The following TTLL6 variants were observed in gnomAD, a reference collection of about 807,000 sequenced individuals.
The protein encoded by TTLL6 is tubulin polyglutamylase TTLL6.
In TTLL6, 75 loss-of-function variants were observed where a neutral mutation model predicts 96.4. The observed-to-expected ratio is 0.78, with a 90% CI of 0.65 to 0.94. The LOEUF (loss-of-function observed/expected upper bound fraction) is 0.94, where lower values mean the gene tolerates loss of function less well. Ranked by LOEUF, TTLL6 falls within the 40% of genes least tolerant of loss-of-function variation. The pLI is 0.00. For synonymous variants in TTLL6, 411 were observed against 419.4 expected (o/e 0.98, Z 0.24); for missense variants, 1,030 against 1,093.0 (o/e 0.94, Z 0.81).
At position 48,817,212 on chromosome 17, in the gene TTLL6, A is replaced by G; in HGVS notation, c.-140T>C. On this transcript the variant is annotated 5_prime_UTR_variant, in exon 1 of 16. Transcript: ENST00000393382. ...CCATGCCCCCTCCCTCCCGAATCCAATTAACCGCCCAGGCGCTAGGGGAGG... is the reference window on the plus strand; with the variant it reads ...CCATGCCCCCTCCCTCCCGAATCCAGTTAACCGCCCAGGCGCTAGGGGAGG... The G allele has an allele frequency of 7.2e-6, 4 of 553,006 alleles. No homozygotes were observed. The highest frequency in any genetic ancestry group is 4.1e-5 in the Admixed American group (1 of 24,104). The allele number at this position is 553,006 out of a possible 1,614,324, so 34.3% of individuals were successfully genotyped here.
At chr17:48,771,990 A>C (rs4262989) in intron 13 of TTLL6, among the ~76,000 whole-genome samples, 16,804 of 152,118 alleles carry the variant, frequency 0.11, 2,033 homozygotes, top group East Asian at 0.68. Context: ...CAGAGGAATC[A>C]CTTGAACTCG....
rs2039090219 is a variant in TTLL6 at position 48,786,228 on chromosome 17, C to G, written c.1697G>C (p.Gly566Ala). The G allele has an allele frequency of 2.5e-6, 4 of 1,614,208 alleles. No individual in the cohort carries two copies. Among genetic ancestry groups the G allele is most frequent in the Non-Finnish European group, 3.4e-6 (4 of 1,180,042 alleles). ...ESAGEQVRKK[G>A]MRGWQQKQQQ... ...TTGTTTCTGTTGCCAGCCCCTCATGCCCTTCTTTCTCACTTGCTCGCCTGC... is the reference window on the plus strand; with the variant it reads ...TTGTTTCTGTTGCCAGCCCCTCATGGCCTTCTTTCTCACTTGCTCGCCTGC... Residue 566 changes from glycine (G) to alanine (A), a missense_variant, in exon 12 of 16, where the codon GGC becomes GCC. Transcript: ENST00000393382.
chr17:48,787,845 T>G lies in TTLL6; in HGVS notation c.1555A>C (p.Thr519Pro). 1 of 1,614,218 alleles carries G rather than the reference T, an allele frequency of 6.2e-7. No individual in the cohort carries two copies. Among genetic ancestry groups the G allele is most frequent in the Admixed American group, 1.7e-5 (1 of 60,026 alleles). The change falls in exon 11 of 16, where the codon ACT becomes CCT. Residue 519 changes from threonine (T) to proline (P), a missense_variant. Physicochemically the swap from Thr to Pro is conservative, Grantham distance 38. Coordinates refer to ENST00000393382, the MANE Select transcript of TTLL6 (RefSeq NM_001130918.3). ...TCCTCCCGAGCCCTGGAAGCAACAG[T>G]ATTCTGGAAGAGGGAGTTGTTGTCC... The part of the protein sequence containing the change: ...FQDNNSLFQN[T>P]VASRAREEYA...
chr17:48,771,413 TAGGCCAGGAGTTTG>T (rs1322555205), intron 13 of TTLL6, among the ~76,000 whole-genome samples: 1 of 152,104 alleles, frequency 6.6e-6, no homozygotes, highest in Non-Finnish European at 1.5e-5. Context: ...AGGATCACTT[TAGGCCAGGAGTTTG>T]AGACCAGCCT....
chr17:48,808,816 C>T (rs1398183965), intron 1 of TTLL6, among the ~76,000 whole-genome samples: 2 of 152,182 alleles, frequency 1.3e-5, no homozygotes, highest in African/African-American at 4.8e-5. Context: ...AACGATCTGC[C>T]CGCCTCGGCC....
At chr17:48,782,580 T>C (rs1268841546) in intron 13 of TTLL6, among the ~76,000 whole-genome samples, 1 of 152,270 alleles carries the variant, frequency 6.6e-6, no homozygotes, top group East Asian at 1.9e-4. Context: ...CTGTTCACTG[T>C]GCTTTTAGTG....
At chr17:48,791,219 A>C (rs1432461814) in intron 9 of TTLL6, among the ~76,000 whole-genome samples, 159 bp downstream of exon 9, 1 of 152,176 alleles carries the variant, frequency 6.6e-6, no homozygotes, top group Non-Finnish European at 1.5e-5. Flanking sequence ...TCTGGTGGCC[A>C]CTTCTCAGCT....
intron 14 of TTLL6, among the ~76,000 whole-genome samples, 153 bp downstream of exon 14, chr17:48,769,575 T>C (rs1400512466): frequency 6.6e-6 from 1 of 152,250 alleles, no homozygotes; most frequent in Non-Finnish European, 1.5e-5. Flanking sequence ...CCTAATGGTA[T>C]GGACTGTGTC....
At position 48,790,123 on chromosome 17, in the gene TTLL6, G is replaced by T; in HGVS notation, c.1225-17C>A. The T allele has an allele frequency of 6.2e-7, 1 of 1,611,506 alleles. No homozygotes were observed. Among genetic ancestry groups the T allele is most frequent in the South Asian group, 1.1e-5 (1 of 90,684 alleles). On this transcript the variant is annotated splice_polypyrimidine_tract_variant and intron_variant, in intron 9 of 15. Transcript: ENST00000393382. The stretch of plus-strand genomic sequence containing the variant: ...GTGGTTGACCTGTGAGGGCAAGATT[G>T]GCAGCTGGTGACAAAGCCGTCCAGA...
chr17:48,810,974 G>A (rs2039582730), intron 1 of TTLL6, among the ~76,000 whole-genome samples: 1 of 149,066 alleles, frequency 6.7e-6, no homozygotes, highest in African/African-American at 2.4e-5. Flanking sequence ...AATGCCTCCT[G>A]TAGACATTTC....
Position 48,769,769 on chromosome 17 carries a change from G to A in TTLL6, c.2369C>T (p.Pro790Leu). The stretch of plus-strand genomic sequence containing the variant: ...CCCCAGCTTGGGGTTGTAGTGAGCT[G>A]GGAAGAAGGAGAGCTTCCCACTCAG... ...LQLSGKLSFFPAHYNPKLGMN... is the reference protein window; with the variant it reads ...LQLSGKLSFFLAHYNPKLGMN... The change falls in exon 14 of 16, where the codon CCA becomes CTA. Residue 790 changes from proline (P) to leucine (L), a missense_variant. By Grantham distance (98) the Pro-to-Leu change is moderately conservative. Coordinates refer to ENST00000393382, the MANE Select transcript of TTLL6 (RefSeq NM_001130918.3). The A allele has an allele frequency of 1.2e-6, 2 of 1,614,212 alleles. No homozygotes were observed. The highest frequency in any genetic ancestry group is 1.7e-6 in the Non-Finnish European group (2 of 1,180,050).
chr17:48,764,771 T>C (rs1290968778), intron 15 of TTLL6, among the ~76,000 whole-genome samples: 1 of 152,104 alleles, frequency 6.6e-6, no homozygotes, highest in Non-Finnish European at 1.5e-5. Context: ...TCCTTTATGG[T>C]CCGATTAGTT....
Position 48,817,104 on chromosome 17 carries a change from G to T in TTLL6, c.-32C>A. 1 of 1,508,398 alleles carries T rather than the reference G, an allele frequency of 6.6e-7. No homozygotes were observed. The highest frequency in any genetic ancestry group is 8.9e-7 in the Non-Finnish European group (1 of 1,124,440). 93.4% of individuals were successfully genotyped at this position (1,508,398 alleles called of 1,614,324 possible). On this transcript the variant is annotated 5_prime_UTR_variant, in exon 1 of 16. Coordinates refer to ENST00000393382, the MANE Select transcript of TTLL6 (RefSeq NM_001130918.3). ...CCAGACAGCCCCAACCCCAACCCGCGCTCGCCCTAACTTTGGGTCCGCCCG... is the reference window on the plus strand; with the variant it reads ...CCAGACAGCCCCAACCCCAACCCGCTCTCGCCCTAACTTTGGGTCCGCCCG...
rs760567729 is a variant in TTLL6, at chr17:48,762,977, GA to G, written c.*1-5del. 3.9e-4 allele frequency: 162 copies of G among 419,694 alleles called. 2 individuals carry two copies. Among genetic ancestry groups the G allele is most frequent in the Middle Eastern group, 1.7e-3 (5 of 2,872 alleles). The allele number at this position is 419,694 out of a possible 1,614,324, so 26.0% of individuals were successfully genotyped here. ...GTGGCAGAGATCCAGTCTGATTCTG[GA>G]AAAAAAAAATTTTTTTTTTAGATTT... On this transcript the variant is annotated splice_region_variant and splice_polypyrimidine_tract_variant and intron_variant, in intron 15 of 15. Coordinates refer to ENST00000393382, the MANE Select transcript of TTLL6 (RefSeq NM_001130918.3).
At chr17:48,792,649 T>C (rs2039248586) in intron 8 of TTLL6, among the ~76,000 whole-genome samples, 1 of 152,142 alleles carries the variant, frequency 6.6e-6, no homozygotes, top group Non-Finnish European at 1.5e-5. Flanking sequence ...ACCTCTGTCA[T>C]GGGAAGCCTC....
At chr17:48,812,065 C>CCG (rs1056016903) in intron 1 of TTLL6, 2 of 9,746 alleles carry the variant, frequency 2.1e-4, no homozygotes, top group African/African-American at 4.2e-4. Flanking sequence ...GATGCTGGGA[C>CCG]CCCCCCCCCC....
intron 1 of TTLL6, among the ~76,000 whole-genome samples, chr17:48,807,694 T>C (rs1183813410): frequency 2.0e-5 from 3 of 151,142 alleles, no homozygotes; most frequent in African/African-American, 7.3e-5. Flanking sequence ...ATATTTTTAG[T>C]AGAGACAGGA....
intron 1 of TTLL6, among the ~76,000 whole-genome samples, chr17:48,811,927 C>A (rs1291266572): frequency 6.6e-6 from 1 of 152,130 alleles, no homozygotes. Flanking sequence ...TTTCAAATTC[C>A]TGAACTCAGG....
chr17:48,801,791 G>C, intron 3 of TTLL6, 148 bp from the exon 4 acceptor site: 1 of 627,582 alleles, frequency 1.6e-6, no homozygotes, highest in Non-Finnish European at 2.8e-6. Flanking sequence ...CTCTCTGGAT[G>C]CAAGAATGGA....
Sources: gnomAD v4.1 joint callset for allele counts (sites outside exome capture counted in the v4.1 genomes callset) on GRCh38, gnomAD v4.1.1 for gene constraint, MANE v1.5 for transcripts, NCBI Gene and HGNC (gene_info 2026-07-23, HGNC 2026-07-21) for gene names.